The following CWH43 variants were observed in gnomAD, a reference collection of about 807,000 sequenced individuals.
CWH43 encodes the protein PGAP2-interacting protein.
Under a neutral mutation model 85.7 loss-of-function variants are expected in CWH43, and 91 were observed. The ratio of observed to expected loss-of-function variants is 1.06; its 90% CI spans 0.90 to 1.26. The LOEUF (loss-of-function observed/expected upper bound fraction) is 1.26. Ranked by LOEUF, CWH43 falls within the 50% of genes most tolerant of loss-of-function variation. The probability of loss-of-function intolerance (pLI) is 0.00; values close to 1 mark genes in which losing one functional copy is unlikely to be tolerated. For missense variants in CWH43, 869 were observed against 839.2 expected, an observed-to-expected ratio of 1.04 and a Z score of -0.44; for synonymous variants, 323 against 293.6, an observed-to-expected ratio of 1.10 and a Z score of -1.02.
intron 12 of CWH43, among the ~76,000 whole-genome samples, chr4:49,034,852 G>A (rs957330563): frequency 3.3e-5 from 5 of 152,186 alleles, no homozygotes; most frequent in Non-Finnish European, 7.3e-5. Flanking sequence ...CTCATGCAAA[G>A]TACATGAATG....
intron 5 of CWH43, among the ~76,000 whole-genome samples, chr4:48,996,364 C>A (rs551640600): frequency 9.2e-5 from 14 of 152,080 alleles, no homozygotes; most frequent in African/African-American, 3.4e-4. Context: ...ACTTTATATT[C>A]TGTATTACAG....
intron 7 of CWH43, among the ~76,000 whole-genome samples, chr4:49,006,900 C>T (rs911644832): frequency 1.3e-5 from 2 of 152,200 alleles, no homozygotes; most frequent in Non-Finnish European, 2.9e-5. Context: ...GCCCAATCAA[C>T]AGTCAGTCAT....
rs375380080 is a variant in CWH43, at chr4:49,007,281, A to T, written c.1141A>T (p.Ser381Cys). 1.2e-6 allele frequency: 2 copies of T among 1,610,650 alleles called. No homozygotes were observed. Among genetic ancestry groups the T allele is most frequent in the South Asian group, 2.2e-5 (2 of 90,022 alleles). ...TGACTTGCTTCTTCAAACAAAAAAC[A>T]GTTCTAAAGTGCTTTTCAGAAAGAG... is the stretch of plus-strand genomic sequence containing the variant. ...NLDLLLQTKN[S>C]SKVLFRKSEK... Residue 381 changes from serine to cysteine, a missense_variant, in exon 8 of 16, where the codon AGT becomes TGT. This residue lies in a region of CWH43 where 577 missense variants were observed against 513.1 expected (regional missense o/e 1.12). Transcript: ENST00000226432.
chr4:49,039,306 GATATATATATAT>G (rs71600797), intron 13 of CWH43, among the ~76,000 whole-genome samples: 6 of 4,592 alleles, frequency 1.3e-3, no homozygotes, highest in South Asian at 6.8e-3. Context: ...TCAGGAGACT[GATATATATATAT>G]ATATATATAT....
intron 14 of CWH43, among the ~76,000 whole-genome samples, chr4:49,049,074 G>A (rs890794807): frequency 6.6e-5 from 10 of 152,128 alleles, no homozygotes; most frequent in African/African-American, 2.4e-4. Flanking sequence ...GGCAGTGTCT[G>A]TTAAATGGGT....
chr4:49,020,465 G>A (rs1334754811), intron 9 of CWH43, among the ~76,000 whole-genome samples: 2 of 150,192 alleles, frequency 1.3e-5, no homozygotes, highest in African/African-American at 4.9e-5. Flanking sequence ...TGATTGATGG[G>A]CATTTGGGCT....
intron 8 of CWH43, among the ~76,000 whole-genome samples, chr4:49,013,658 C>A (rs1783441324): frequency 2.0e-5 from 3 of 152,096 alleles, no homozygotes; most frequent in African/African-American, 7.2e-5. Flanking sequence ...TAAAGCAAAT[C>A]TCTGATATCA....
chr4:49,044,637 A>AT, intron 13 of CWH43, 149 bp from the exon 14 acceptor site: 1 of 577,882 alleles, frequency 1.7e-6, no homozygotes, highest in Non-Finnish European at 3.0e-6. Flanking sequence ...TGAGCAAATA[A>AT]TTTGGACCAA....
rs761295328 is a variant in CWH43, at chr4:49,032,720, G to C, written c.1658+5G>C. The C allele has an allele frequency of 2.5e-6, 4 of 1,613,814 alleles. No individual in the cohort carries two copies. Among genetic ancestry groups the C allele is most frequent in the Non-Finnish European group, 3.4e-6 (4 of 1,179,764 alleles). On this transcript the variant is annotated splice_donor_5th_base_variant and intron_variant, in intron 12 of 15. Transcript: ENST00000226432. ...GACACACTTTGGGAACCACGAGTGGGTTTCTTTGGCCCACCTAATATTACA... is the reference window on the plus strand; with the variant it reads ...GACACACTTTGGGAACCACGAGTGGCTTTCTTTGGCCCACCTAATATTACA...
intron 15 of CWH43, among the ~76,000 whole-genome samples, chr4:49,056,018 C>G (rs13151871): frequency 2.1e-5 from 3 of 143,368 alleles, no homozygotes; most frequent in Non-Finnish European, 4.5e-5. Context: ...GCACCCACTA[C>G]TGTGTCATCT....
chr4:49,060,442 C>A (rs999900729), intron 15 of CWH43, among the ~76,000 whole-genome samples: 3 of 152,128 alleles, frequency 2.0e-5, no homozygotes, highest in South Asian at 4.2e-4. Context: ...GTTGTTGGGG[C>A]TGGCCTGGTG....
chr4:49,058,418 T>A (rs1386847203), intron 15 of CWH43, among the ~76,000 whole-genome samples: 1 of 152,224 alleles, frequency 6.6e-6, no homozygotes, highest in Non-Finnish European at 1.5e-5. Flanking sequence ...ATTTTATATA[T>A]CATGTACCCA....
intron 8 of CWH43, chr4:49,016,812 C>G (rs759383713): frequency 1.3e-6 from 1 of 777,074 alleles, no homozygotes; most frequent in African/African-American, 1.7e-5. Flanking sequence ...TGCCAGAGCA[C>G]GGGCCACTTT....
At position 49,030,901 on chromosome 4, in the gene CWH43, AG is replaced by A. The variant is rs767935577; in HGVS notation, c.1453del (p.Glu485LysfsTer29). 1 of 1,611,198 alleles carries A rather than the reference AG, an allele frequency of 6.2e-7. No homozygotes were observed. The highest frequency in any genetic ancestry group is 8.5e-7 in the Non-Finnish European group (1 of 1,178,918). On this transcript the variant is annotated frameshift_variant, in exon 11 of 16. Coordinates refer to ENST00000226432, the MANE Select transcript of CWH43 (RefSeq NM_025087.3). LOFTEE classifies it high-confidence loss of function. ...GGAACAATGACTTAACCATGTGGCT[AG>A]GGGAAAAGTTGGGTTTCTATACAGA... The part of the protein sequence containing the change: ...MGNNDLTMWL[G>X]EKLGFYTDFG...
In CWH43 at chr4:48,992,495, G is replaced by C. The variant is rs1037530417; in HGVS notation, c.511+405G>C. ...TAACACTAAGGAAAGTTTCTGTCAC[G>C]TATGGCTGTCACTGGAACTCCCTGG... On this transcript the variant is annotated intron_variant, in intron 4 of 15. Coordinates refer to ENST00000226432, the MANE Select transcript of CWH43 (RefSeq NM_025087.3). This position sits in a 1 kb window ranked among gnomAD's most constrained non-coding sequence, Gnocchi z 4.3. 6.6e-6 allele frequency among the ~76,000 whole-genome samples: 1 copy of C among 152,164 alleles called. No homozygotes were observed. Among genetic ancestry groups the C allele is most frequent in the Non-Finnish European group, 1.5e-5 (1 of 68,022 alleles).
chr4:48,994,444 C>T (rs1055345614), intron 4 of CWH43, among the ~76,000 whole-genome samples, 175 bp from the exon 5 acceptor site: 3 of 152,232 alleles, frequency 2.0e-5, no homozygotes, highest in Admixed American at 1.3e-4. Flanking sequence ...ATGTCTCCCA[C>T]TAAATAGCTG....
At chr4:49,017,675 A>G (rs1184349642) in intron 9 of CWH43, among the ~76,000 whole-genome samples, 1 of 152,124 alleles carries the variant, frequency 6.6e-6, no homozygotes, top group Non-Finnish European at 1.5e-5. Flanking sequence ...GAAGAATTTT[A>G]ATTATCCCAT....
chr4:48,994,566 C>A (rs753030703), intron 4 of CWH43, 53 bp from the exon 5 acceptor site: 1 of 1,452,106 alleles, frequency 6.9e-7, no homozygotes, highest in Non-Finnish European at 9.6e-7. Context: ...AAATATAGAG[C>A]GCAAATTTCC....
intron 10 of CWH43, 105 bp downstream of exon 10, chr4:49,028,839 T>G: frequency 2.8e-6 from 2 of 719,722 alleles, no homozygotes; most frequent in South Asian, 4.0e-5. Flanking sequence ...TAGATTAAAT[T>G]TATGACCAGC....
Sources: gnomAD v4.1 joint callset for allele counts (sites outside exome capture counted in the v4.1 genomes callset) on GRCh38, gnomAD v4.1.1 for gene constraint, gnomAD v4.1.1 regional missense constraint, Gnocchi (gnomAD v3.1) non-coding constraint, MANE v1.5 for transcripts, NCBI Gene and HGNC (gene_info 2026-07-23, HGNC 2026-07-21) for gene names.